Variants in GPX2 observed in about 807,000 individuals in gnomAD.
GPX2 encodes the protein gastrointestinal glutathione peroxidase.
GPX2 carries 21 observed loss-of-function variants against 14.1 expected under a neutral mutation model. The observed-to-expected ratio is 1.48, with a 90% CI of 1.05 to 2.14. The LOEUF (loss-of-function observed/expected upper bound fraction) is 2.14. Ranked by LOEUF, GPX2 falls within the 30% of genes most tolerant of loss-of-function variation. GPX2 has a pLI of 0.00. For synonymous variants in GPX2, 94 were observed against 95.2 expected, an observed-to-expected ratio of 0.99 and a Z score of 0.07; for missense variants, 241 against 249.8, an observed-to-expected ratio of 0.96 and a Z score of 0.24.
Position 64,939,445 on chromosome 14 carries a change from G to T in GPX2, c.*43C>A. On this transcript the variant is annotated 3_prime_UTR_variant, in exon 2 of 2. Transcript: ENST00000389614. The surrounding 1 kb of genome is among the most constrained non-coding windows in gnomAD (Gnocchi z 5.7). ...GCATGCTGCATCCTAAGGCTCCTCA[G>T]GACTGGATGGAGTAGGAGATCTGTG... 6.6e-7 allele frequency: 1 copy of T among 1,506,750 alleles called. No homozygotes were observed. Among genetic ancestry groups the T allele is most frequent in the Non-Finnish European group, 9.2e-7 (1 of 1,092,710 alleles). 93.3% of individuals were successfully genotyped at this position (1,506,750 alleles called of 1,614,324 possible). A position where few individuals can be genotyped will look rare whatever the true frequency, so the allele number is the denominator to read the frequency against.
rs1376369576 is a variant in GPX2, at chr14:64,939,573, C to G, written c.488G>C (p.Gly163Ala). 16 of 1,614,140 alleles carry G rather than the reference C, an allele frequency of 9.9e-6. No homozygotes were observed. The highest frequency in any genetic ancestry group is 1.4e-5 in the Non-Finnish European group (16 of 1,180,016). ...GCGGCTGTAGCGTCGGAAGGGCTCTCCCTCCGGCCCTATGAGGAACTTCTC... is the reference window on the plus strand; with the variant it reads ...GCGGCTGTAGCGTCGGAAGGGCTCTGCCTCCGGCCCTATGAGGAACTTCTC... ...NFEKFLIGPE[G>A]EPFRRYSRTF... The change falls in exon 2 of 2, where the codon GGA becomes GCA. Residue 163 changes from glycine to alanine, a missense_variant. Gly to Ala is a moderately conservative substitution (Grantham distance 60). Coordinates refer to ENST00000389614, the MANE Select transcript of GPX2 (RefSeq NM_002083.4). The surrounding 1 kb of genome is among the most constrained non-coding windows in gnomAD (Gnocchi z 5.7).
chr14:64,939,545 G>A lies in GPX2; in HGVS notation c.516C>T (p.Thr172=). The A allele has an allele frequency of 6.2e-7, 1 of 1,614,166 alleles. No homozygotes were observed. ...EGEPFRRYSR[T]FPTINIEPDI... The stretch of plus-strand genomic sequence containing the variant: ...CAGGCTCAATGTTGATGGTTGGGAA[G>A]GTGCGGCTGTAGCGTCGGAAGGGCT... Residue 172 remains threonine, a synonymous_variant, in exon 2 of 2, where the codon ACC becomes ACT. Transcript: ENST00000389614. This position sits in a 1 kb window ranked among gnomAD's most constrained non-coding sequence, Gnocchi z 5.7.
Position 64,939,512 on chromosome 14 carries a change from C to T in GPX2, c.549G>A (p.Lys183=), listed in dbSNP as rs758178835. 1 of 1,614,072 alleles carries T rather than the reference C, an allele frequency of 6.2e-7. No homozygotes were observed. Among genetic ancestry groups the T allele is most frequent in the East Asian group, 2.2e-5 (1 of 44,876 alleles). ...FPTINIEPDI[K]RLLKVAI ...TCTATATGGCAACTTTAAGGAGGCGCTTGATGTCAGGCTCAATGTTGATGG... is the reference window on the plus strand; with the variant it reads ...TCTATATGGCAACTTTAAGGAGGCGTTTGATGTCAGGCTCAATGTTGATGG... Residue 183 remains lysine, a synonymous_variant, in exon 2 of 2, where the codon AAG becomes AAA. Transcript: ENST00000389614. The surrounding 1 kb of genome is among the most constrained non-coding windows in gnomAD (Gnocchi z 5.7).
chr14:64,941,771 T>C (rs1594921110), intron 1 of GPX2, among the ~76,000 whole-genome samples: 1 of 152,196 alleles, frequency 6.6e-6, no homozygotes, highest in African/African-American at 2.4e-5. Context: ...TCGAGGTGTG[T>C]GGGCTGAAGA....
intron 1 of GPX2, chr14:64,941,322 C>T: frequency 8.7e-7 from 1 of 1,151,072 alleles, no homozygotes; most frequent in Non-Finnish European, 1.1e-6. Flanking sequence ...CCTACCTTAG[C>T]CTCCCAAAGC....
Position 64,942,625 on chromosome 14 carries a change from C to G in GPX2, c.102G>C (p.Glu34Asp), listed in dbSNP as rs1236796561. The G allele has an allele frequency of 1.2e-6, 2 of 1,614,106 alleles. No individual in the cohort carries two copies. Among genetic ancestry groups the G allele is most frequent in the Non-Finnish European group, 8.5e-7 (1 of 1,180,040 alleles). ...TTGTGCCTCAGAGCGAAGCCACATT[C>G]TCAATCAGCACGGCCCTGCCCCGGA... Reference protein sequence around the residue: ...NTFRGRAVLIENVASLUGTTT... With the variant: ...NTFRGRAVLIDNVASLUGTTT... Residue 34 changes from glutamate to aspartate, a missense_variant, in exon 1 of 2, where the codon GAG becomes GAC. By Grantham distance (45) the Glu-to-Asp change is conservative. Coordinates refer to ENST00000389614, the MANE Select transcript of GPX2 (RefSeq NM_002083.4).
chr14:64,942,405 T>C (rs1305160235), intron 1 of GPX2, 100 bp downstream of exon 1: 5 of 903,534 alleles, frequency 5.5e-6, no homozygotes, highest in African/African-American at 1.6e-5. Context: ...ACCCCATTAT[T>C]CCAGACACTC....
chr14:64,942,395 A>G (rs1217898516), intron 1 of GPX2, 110 bp downstream of exon 1: 4 of 811,620 alleles, frequency 4.9e-6, no homozygotes, highest in Non-Finnish European at 6.2e-6. Flanking sequence ...AACAAAACAT[A>G]CCCCATTATT....
chr14:64,942,708 A>G lies in GPX2; in HGVS notation c.19T>C (p.Ser7Pro). MAFIAKSFYDLSAISLD... is the reference protein window; with the variant it reads MAFIAKPFYDLSAISLD... ...CTGATGGCACTGAGGTCATAGAAGGACTTGGCAATGAAAGCCATGGTGAAG... is the reference window on the plus strand; with the variant it reads ...CTGATGGCACTGAGGTCATAGAAGGGCTTGGCAATGAAAGCCATGGTGAAG... Residue 7 changes from serine to proline, a missense_variant, in exon 1 of 2, where the codon TCC (serine) becomes CCC (proline). Ser to Pro is a moderately conservative substitution (Grantham distance 74). Coordinates refer to ENST00000389614, the MANE Select transcript of GPX2 (RefSeq NM_002083.4). 2 of 1,614,046 alleles carry G rather than the reference A, an allele frequency of 1.2e-6. No individual in the cohort carries two copies. Among genetic ancestry groups the G allele is most frequent in the Non-Finnish European group, 1.7e-6 (2 of 1,179,954 alleles).
rs746418057 is a variant in GPX2, at chr14:64,940,277, C to G, written c.223-439G>C. 8.4e-6 allele frequency: 7 copies of G among 831,928 alleles called. No homozygotes were observed. Among genetic ancestry groups the G allele is most frequent in the Non-Finnish European group, 1.2e-5 (7 of 571,240 alleles). 51.5% of individuals were successfully genotyped at this position (831,928 alleles called of 1,614,324 possible). A position where few individuals can be genotyped will look rare whatever the true frequency, so the allele number is the denominator to read the frequency against. On this transcript the variant is annotated intron_variant, in intron 1 of 1. Coordinates refer to ENST00000389614, the MANE Select transcript of GPX2 (RefSeq NM_002083.4). This position sits in a 1 kb window ranked among gnomAD's most constrained non-coding sequence, Gnocchi z 4.5. ...AGAACCTCCTCTTCAACTAACCTAC[C>G]GACCCACCTACCCATAAATCCATAC...
Position 64,939,196 on chromosome 14 carries a change from T to G in GPX2, c.*292A>C, listed in dbSNP as rs2139937489. On this transcript the variant is annotated 3_prime_UTR_variant, in exon 2 of 2. Coordinates refer to ENST00000389614, the MANE Select transcript of GPX2 (RefSeq NM_002083.4). The surrounding 1 kb of genome is among the most constrained non-coding windows in gnomAD (Gnocchi z 5.7). ...CCTTTATTGGTCTCTTCTAGCAGAG[T>G]GGCTCCAGGCCCTTCACGCCTCTCA... The G allele has an allele frequency of 2.2e-5, 8 of 370,356 alleles. No individual in the cohort carries two copies. The South Asian group carries it at 2.3e-4, about 11-fold the overall frequency. 22.9% of individuals were successfully genotyped at this position (370,356 alleles called of 1,614,324 possible).
chr14:64,940,079 G>T lies in GPX2; in HGVS notation c.223-241C>A, dbSNP rs1885545707. On this transcript the variant is annotated intron_variant, in intron 1 of 1. Coordinates refer to ENST00000389614, the MANE Select transcript of GPX2 (RefSeq NM_002083.4). The surrounding 1 kb of genome is among the most constrained non-coding windows in gnomAD (Gnocchi z 4.5). ...CTACAGACACAGGCCACCATGCCCG[G>T]CTAATTTTTTTTTTTTTTTGTAGAG... 9 of 1,377,170 alleles carry T rather than the reference G, an allele frequency of 6.5e-6. No homozygotes were observed. Among genetic ancestry groups the T allele is most frequent in the Middle Eastern group, 4.4e-4 (2 of 4,534 alleles). 85.3% of individuals were successfully genotyped at this position (1,377,170 alleles called of 1,614,324 possible).
In GPX2 at chr14:64,939,578, C is replaced by T. The variant is rs17885748; in HGVS notation, c.483G>A (p.Pro161=). 399 of 1,614,140 alleles carry T rather than the reference C, an allele frequency of 2.5e-4. 2 individuals carry two copies. In the African/African-American group the frequency reaches 3.2e-3, roughly 13 times the overall value. Reference sequence around the variant, plus strand: ...TGTAGCGTCGGAAGGGCTCTCCCTCCGGCCCTATGAGGAACTTCTCAAAGT... The same window carrying T: ...TGTAGCGTCGGAAGGGCTCTCCCTCTGGCCCTATGAGGAACTTCTCAAAGT... The part of the protein sequence containing the change: ...AWNFEKFLIG[P]EGEPFRRYSR... Residue 161 remains proline (P), a synonymous_variant, in exon 2 of 2, where the codon CCG becomes CCA. Coordinates refer to ENST00000389614, the MANE Select transcript of GPX2 (RefSeq NM_002083.4). The surrounding 1 kb of genome is among the most constrained non-coding windows in gnomAD (Gnocchi z 5.7).
rs1247899719 is a variant in GPX2 at position 64,939,720 on chromosome 14, G to C, written c.341C>G (p.Pro114Arg). The C allele has an allele frequency of 6.2e-7, 1 of 1,614,130 alleles. No individual in the cohort carries two copies. The highest frequency in any genetic ancestry group is 1.1e-5 in the South Asian group (1 of 91,086). ...KCEVNGQNEH[P>R]VFAYLKDKLP... is the part of the protein sequence containing the mutation. ...CTTGTCCTTCAGGTAGGCGAAGACA[G>C]GATGCTCGTTCTGCCCATTCACCTC... Residue 114 changes from proline (P) to arginine (R), a missense_variant, in exon 2 of 2, where the codon CCT (proline) becomes CGT (arginine). Transcript: ENST00000389614. The surrounding 1 kb of genome is among the most constrained non-coding windows in gnomAD (Gnocchi z 5.7).
Position 64,939,870 on chromosome 14 carries a change from A to T in GPX2, c.223-32T>A. On this transcript the variant is annotated intron_variant, in intron 1 of 1. Transcript: ENST00000389614. This position sits in a 1 kb window ranked among gnomAD's most constrained non-coding sequence, Gnocchi z 5.7. ...GAGGAAAAAGACAAAGTGCGTGGACAGTGGGTGGGGGAAGAGAAAGATCCA... is the reference window on the plus strand; with the variant it reads ...GAGGAAAAAGACAAAGTGCGTGGACTGTGGGTGGGGGAAGAGAAAGATCCA... The T allele has an allele frequency of 1.2e-6, 2 of 1,604,098 alleles. No homozygotes were observed. The highest frequency in any genetic ancestry group is 1.7e-6 in the Non-Finnish European group (2 of 1,173,626).
In GPX2 at chr14:64,942,652, C is replaced by A. The variant is rs781271070; in HGVS notation, c.75G>T (p.Thr25=). Residue 25 remains threonine, a synonymous_variant, in exon 1 of 2, where the codon ACG becomes ACT. Transcript: ENST00000389614. ...CAATCAGCACGGCCCTGCCCCGGAA[C>A]GTATTGAAATCTACCTTCTCCCCAT... ...SLDGEKVDFN[T]FRGRAVLIEN... 1 of 1,614,038 alleles carries A rather than the reference C, an allele frequency of 6.2e-7. No homozygotes were observed. Among genetic ancestry groups the A allele is most frequent in the Non-Finnish European group, 8.5e-7 (1 of 1,180,030 alleles).
intron 1 of GPX2, chr14:64,941,525 C>T: frequency 7.8e-7 from 1 of 1,288,048 alleles, no homozygotes; most frequent in South Asian, 1.2e-5. Context: ...GTCTCTCCTG[C>T]TCTAGAAAAG....
At position 64,939,767 on chromosome 14, in the gene GPX2, G is replaced by T. The variant is rs748279472; in HGVS notation, c.294C>A (p.Thr98=). The T allele has an allele frequency of 3.1e-6, 5 of 1,614,128 alleles. No individual in the cohort carries two copies. The highest frequency in any genetic ancestry group is 2.2e-5 in the East Asian group (1 of 44,884). ...YVRPGGGYQP[T]FTLVQKCEVN... is the part of the protein sequence containing the mutation. ...CCTCACATTTTTGGACAAGGGTGAA[G>T]GTGGGCTGGTATCCACCCCCAGGAC... Residue 98 remains threonine (T), a synonymous_variant, in exon 2 of 2, where the codon ACC becomes ACA. Coordinates refer to ENST00000389614, the MANE Select transcript of GPX2 (RefSeq NM_002083.4). This position sits in a 1 kb window ranked among gnomAD's most constrained non-coding sequence, Gnocchi z 5.7.
rs1328231949 is a variant in GPX2, at chr14:64,940,694, G to A, written c.223-856C>T. Reference sequence around the variant, plus strand: ...GGGAGGGGGAGTTGAGGAAATAAGTGCTTGATGGCTAAAGATTGTGAGTAT... The same window carrying A: ...GGGAGGGGGAGTTGAGGAAATAAGTACTTGATGGCTAAAGATTGTGAGTAT... On this transcript the variant is annotated intron_variant, in intron 1 of 1. Transcript: ENST00000389614. This position sits in a 1 kb window ranked among gnomAD's most constrained non-coding sequence, Gnocchi z 4.5. Among the ~76,000 whole-genome samples the A allele has an allele frequency of 6.6e-6, 1 of 152,164 alleles. No homozygotes were observed. The highest frequency in any genetic ancestry group is 1.5e-5 in the Non-Finnish European group (1 of 68,036).
Sources: allele counts gnomAD v4.1 joint callset (sites outside exome capture counted in the v4.1 genomes callset), GRCh38; gene constraint gnomAD v4.1.1; non-coding constraint Gnocchi (gnomAD v3.1); transcripts MANE v1.5; gene names NCBI Gene and HGNC (gene_info 2026-07-23, HGNC 2026-07-21).